Variants in HHLA1 observed in about 807,000 individuals in gnomAD.
The protein encoded by HHLA1 is HHLA1 neighbor of OC90.
HHLA1 carries 72 observed loss-of-function variants against 69.9 expected under a neutral mutation model. The observed-to-expected ratio is 1.03, with a 90% CI of 0.85 to 1.25. The LOEUF (loss-of-function observed/expected upper bound fraction) is 1.25, where lower values mean the gene tolerates loss of function less well. HHLA1 is among the 50% of genes most tolerant of loss of function. The probability of loss-of-function intolerance (pLI) is 0.00; values close to 1 mark genes in which losing one functional copy is unlikely to be tolerated. For missense variants in HHLA1, 685 were observed against 642.2 expected, an observed-to-expected ratio of 1.07 and a Z score of -0.72; for synonymous variants, 252 against 233.2, an observed-to-expected ratio of 1.08 and a Z score of -0.73.
At chr8:132,083,646 G>A (rs1181080564) in intron 10 of HHLA1, among the ~76,000 whole-genome samples, 4 of 152,148 alleles carry the variant, frequency 2.6e-5, no homozygotes, top group Non-Finnish European at 5.9e-5. Context: ...GGCTTAGGAG[G>A]AATCCCAGGC....
chr8:132,107,027 C>T (rs1824212523), intron 1 of HHLA1, among the ~76,000 whole-genome samples: 1 of 152,148 alleles, frequency 6.6e-6, no homozygotes, highest in Non-Finnish European at 1.5e-5. Flanking sequence ...TTAGTACAAT[C>T]TCTGGAATAT....
Position 132,077,857 on chromosome 8 carries a change from A to T in HHLA1, c.1040T>A (p.Leu347His). 6.4e-7 allele frequency: 1 copy of T among 1,551,494 alleles called. No homozygotes were observed. Among genetic ancestry groups the T allele is most frequent in the Non-Finnish European group, 8.7e-7 (1 of 1,146,946 alleles). ...TISEKKPGGSLWETRSSPPTT... is the reference protein window; with the variant it reads ...TISEKKPGGSHWETRSSPPTT... Reference sequence around the variant, plus strand: ...CGGTGGGGAAGAACGAGTTTCCCAGAGAGACCCTCCAGGTTTTTTCTCACT... The same window carrying T: ...CGGTGGGGAAGAACGAGTTTCCCAGTGAGACCCTCCAGGTTTTTTCTCACT... The change falls in exon 12 of 17, where the codon CTC (leucine) becomes CAC (histidine). Residue 347 changes from leucine (L) to histidine (H), a missense_variant. Coordinates refer to ENST00000414222, the MANE Select transcript of HHLA1 (RefSeq NM_001145095.3).
intron 8 of HHLA1, 34 bp from the exon 9 acceptor site, chr8:132,087,935 C>T: frequency 6.8e-7 from 1 of 1,476,932 alleles, no homozygotes; most frequent in Non-Finnish European, 9.3e-7. Context: ...TAAGACTTAG[C>T]CATGGGTCTG....
intron 1 of HHLA1, among the ~76,000 whole-genome samples, chr8:132,109,960 T>C (rs1325329528): frequency 6.6e-6 from 1 of 152,176 alleles, no homozygotes; most frequent in Non-Finnish European, 1.5e-5. Flanking sequence ...TAATTTGCAA[T>C]ATGTCTGTGT....
At chr8:132,064,884 C>T (rs1282235005) in intron 16 of HHLA1, among the ~76,000 whole-genome samples, 1 of 152,110 alleles carries the variant, frequency 6.6e-6, no homozygotes, top group Non-Finnish European at 1.5e-5. Flanking sequence ...CTTCAGGACC[C>T]AAATGGAAAG....
At chr8:132,084,366 G>T (rs1402404538) in intron 10 of HHLA1, among the ~76,000 whole-genome samples, 1 of 152,142 alleles carries the variant, frequency 6.6e-6, no homozygotes, top group African/African-American at 2.4e-5. Context: ...GACGCTTGGG[G>T]TTGGTACTGA....
chr8:132,081,458 C>T (rs1355462568), intron 10 of HHLA1, among the ~76,000 whole-genome samples: 1 of 152,142 alleles, frequency 6.6e-6, no homozygotes, highest in East Asian at 1.9e-4. Flanking sequence ...TTAGTCCATT[C>T]TACTTTTCTT....
chr8:132,069,973 T>G (rs1249205315), intron 15 of HHLA1: 1 of 142,888 alleles, frequency 7.0e-6, no homozygotes, highest in Non-Finnish European at 1.4e-5. Flanking sequence ...CAGGTCTTGC[T>G]TATTGCCCTC....
At chr8:132,066,004 TC>T (rs1185537420) in intron 15 of HHLA1, 36 bp from the exon 16 acceptor site, 10 of 941,266 alleles carry the variant, frequency 1.1e-5, no homozygotes, top group Non-Finnish European at 1.5e-5. Flanking sequence ...GCAATAACTA[TC>T]CTGTGATGGC....
chr8:132,076,030 G>A (rs1823632014), intron 14 of HHLA1, 25 bp downstream of exon 14: 2 of 1,503,120 alleles, frequency 1.3e-6, no homozygotes, highest in African/African-American at 1.4e-5. Flanking sequence ...ACAAGCAATA[G>A]TAATGACTGG....
At chr8:132,099,129 A>G (rs1434479560) in intron 4 of HHLA1, among the ~76,000 whole-genome samples, 167 bp from the exon 5 acceptor site, 1 of 152,198 alleles carries the variant, frequency 6.6e-6, no homozygotes, top group African/African-American at 2.4e-5. Context: ...GAGGGTCTCG[A>G]CCTCAGGAGG....
At chr8:132,071,313 T>C in intron 15 of HHLA1, 27 bp downstream of exon 15, 1 of 1,540,862 alleles carries the variant, frequency 6.5e-7, no homozygotes, top group Non-Finnish European at 8.8e-7. Context: ...ATATTCCATG[T>C]GAAAAGAAGC....
intron 14 of HHLA1, among the ~76,000 whole-genome samples, chr8:132,074,969 A>G (rs1823611013): frequency 6.6e-6 from 1 of 152,256 alleles, no homozygotes; most frequent in African/African-American, 2.4e-5. Flanking sequence ...GGATATAGAT[A>G]CAGATATAGA....
At chr8:132,090,859 C>T (rs893613846) in intron 7 of HHLA1, among the ~76,000 whole-genome samples, 4 of 151,512 alleles carry the variant, frequency 2.6e-5, no homozygotes, top group African/African-American at 4.8e-5. Context: ...CCCAGGTTCA[C>T]GCCATTCTCC....
chr8:132,104,202 A>G, intron 2 of HHLA1, 35 bp from the exon 3 acceptor site: 1 of 1,420,798 alleles, frequency 7.0e-7, no homozygotes, highest in Non-Finnish European at 9.7e-7. Context: ...AGAAATTATA[A>G]CCAAGACATA....
At chr8:132,097,361 T>C (rs544516156) in intron 5 of HHLA1, among the ~76,000 whole-genome samples, 15 of 152,294 alleles carry the variant, frequency 9.8e-5, no homozygotes, top group African/African-American at 3.6e-4. Flanking sequence ...TGCAACAAGT[T>C]TGGGAAACTT....
intron 7 of HHLA1, among the ~76,000 whole-genome samples, chr8:132,090,142 G>A (rs557648374): frequency 1.3e-5 from 2 of 152,182 alleles, no homozygotes; most frequent in Non-Finnish European, 2.9e-5. Context: ...GGAACTGATG[G>A]TGGTGCTGGT....
chr8:132,099,786 G>A lies in HHLA1; in HGVS notation c.199+289C>T, dbSNP rs1297875754. On this transcript the variant is annotated intron_variant, in intron 4 of 16. Coordinates refer to ENST00000414222, the MANE Select transcript of HHLA1 (RefSeq NM_001145095.3). ...GGAGAATCGCTTGAGCCTGGGAGGC[G>A]GAGGTTGCAGTGAGCCAAGATCGTG... Among the ~76,000 whole-genome samples, 8 of 151,978 alleles carry A rather than the reference G, an allele frequency of 5.3e-5. No homozygotes were observed. The South Asian group carries it at 6.2e-4, about 12-fold the overall frequency.
rs1193891025 is a variant in HHLA1, at chr8:132,071,463, G to T, written c.1346C>A (p.Ala449Asp). The change falls in exon 15 of 17, where the codon GCT (alanine) becomes GAT (aspartate). Residue 449 changes from alanine to aspartate, a missense_variant. Physicochemically the swap from Ala to Asp is moderately radical, Grantham distance 126. Transcript: ENST00000414222. ...RCPQPLFKVG[A>D]MAAAPLTLAI... is the part of the protein sequence containing the mutation. ...CAGGGTGAGAGGAGCAGCTGCCATA[G>T]CTCCCACCTTGAAGAGTGGCTGAGG... The T allele has an allele frequency of 1.9e-6, 3 of 1,551,606 alleles. No individual in the cohort carries two copies. Among genetic ancestry groups the T allele is most frequent in the Admixed American group, 2.0e-5 (1 of 51,006 alleles).
Sources: gnomAD v4.1 joint callset for allele counts (sites outside exome capture counted in the v4.1 genomes callset) on GRCh38, gnomAD v4.1.1 for gene constraint, MANE v1.5 for transcripts, NCBI Gene and HGNC (gene_info 2026-07-23, HGNC 2026-07-21) for gene names.